The following CSMD1 variants were observed in gnomAD, a reference collection of about 807,000 sequenced individuals.
CSMD1 encodes CUB and Sushi multiple domains 1, also known as CUB and sushi domain-containing protein 1.
CSMD1 carries 213 observed loss-of-function variants against 417.5 expected under a neutral mutation model. That is an observed-to-expected ratio of 0.51 (90% CI 0.46 to 0.57). The LOEUF (loss-of-function observed/expected upper bound fraction) is 0.57, where lower values mean the gene tolerates loss of function less well. CSMD1 is among the 20% of genes least tolerant of loss of function. The probability of loss-of-function intolerance (pLI) is 0.00; values close to 1 mark genes in which losing one functional copy is unlikely to be tolerated. For synonymous variants in CSMD1, 2,862 were observed against 1,736.8 expected, an observed-to-expected ratio of 1.65 and a Z score of -16.11; for missense variants, 6,923 against 4,529.7, an observed-to-expected ratio of 1.53 and a Z score of -15.17.
At chr8:3,233,436 T>G (rs906379170) in intron 26 of CSMD1, among the ~76,000 whole-genome samples, 7 of 152,228 alleles carry the variant, frequency 4.6e-5, no homozygotes, top group South Asian at 2.1e-4. Context: ...CCAGCATATT[T>G]GTGAGAAGTA....
At chr8:3,621,750 T>TTTA (rs1222963413) in intron 7 of CSMD1, among the ~76,000 whole-genome samples, 3 of 151,076 alleles carry the variant, frequency 2.0e-5, no homozygotes, top group South Asian at 2.1e-4. Context: ...CAGCTAATGT[T>TTTA]TTATTATTAT....
intron 1 of CSMD1, among the ~76,000 whole-genome samples, chr8:4,648,401 G>T (rs1286582877): frequency 6.6e-6 from 1 of 152,030 alleles, no homozygotes; most frequent in African/African-American, 2.4e-5. Context: ...GCCCCTAATG[G>T]TGCCTCAGCC....
intron 1 of CSMD1, among the ~76,000 whole-genome samples, chr8:4,729,672 G>A (rs897139026): frequency 1.3e-5 from 2 of 152,186 alleles, no homozygotes; most frequent in African/African-American, 4.8e-5. Flanking sequence ...GGCAACAGAA[G>A]ACTAGCTGTT....
chr8:4,669,158 T>A (rs7002727), intron 1 of CSMD1, among the ~76,000 whole-genome samples: 4,431 of 152,268 alleles, frequency 0.029, 215 homozygotes, highest in African/African-American at 0.1. Context: ...CTTCGCTTCC[T>A]TTAGGGCTGG....
chr8:3,643,649 C>CGA (rs1421167518), intron 7 of CSMD1, among the ~76,000 whole-genome samples: 1 of 143,530 alleles, frequency 7.0e-6, no homozygotes, highest in Non-Finnish European at 1.5e-5. Context: ...TGCAGTGAGC[C>CGA]GAGATCGCGC....
intron 42 of CSMD1, among the ~76,000 whole-genome samples, chr8:3,117,061 T>C (rs1277759857): frequency 3.3e-5 from 5 of 152,126 alleles, no homozygotes; most frequent in Admixed American, 2.0e-4. Context: ...TTTGTAGTTA[T>C]TTTTTATTTT....
chr8:4,943,225 G>C (rs1439156958), intron 1 of CSMD1, among the ~76,000 whole-genome samples: 2 of 152,170 alleles, frequency 1.3e-5, no homozygotes, highest in African/African-American at 4.8e-5. Context: ...GCCGGGTGCA[G>C]TGGCTCATGC....
intron 3 of CSMD1, among the ~76,000 whole-genome samples, chr8:4,072,301 T>TC: frequency 6.6e-6 from 1 of 152,326 alleles, no homozygotes; most frequent in South Asian, 2.1e-4. Flanking sequence ...AAAAATACCT[T>TC]CCTTTGCCTT....
At chr8:4,091,746 G>C (rs113861981) in intron 3 of CSMD1, among the ~76,000 whole-genome samples, 2 of 152,174 alleles carry the variant, frequency 1.3e-5, no homozygotes, top group Non-Finnish European at 2.9e-5. Flanking sequence ...GTGTATAAAT[G>C]TATCCTGTAT....
intron 3 of CSMD1, among the ~76,000 whole-genome samples, chr8:4,116,346 G>A (rs138822030): frequency 4.3e-4 from 65 of 152,188 alleles, no homozygotes; most frequent in African/African-American, 1.4e-3. Context: ...CTATAAGGGT[G>A]GATACATGTC....
At position 3,641,320 on chromosome 8, in the gene CSMD1, A is replaced by G. The variant is rs548300946; in HGVS notation, c.1010-24523T>C. On this transcript the variant is annotated intron_variant, in intron 7 of 69. Transcript: ENST00000635120. ...TGTGCAGGTGGAGAACGGGTGAGTC[A>G]CTAGCAATGGAACCAACAATCCCCA... Among the ~76,000 whole-genome samples the G allele has an allele frequency of 3.9e-5, 6 of 152,228 alleles. No individual in the cohort carries two copies. The East Asian group carries it at 1.2e-3, about 29-fold the overall frequency.
intron 26 of CSMD1, among the ~76,000 whole-genome samples, chr8:3,259,911 A>G (rs1800930594): frequency 6.6e-6 from 1 of 152,068 alleles, no homozygotes; most frequent in Non-Finnish European, 1.5e-5. Flanking sequence ...ATCTCTGACC[A>G]CTCATACATG....
chr8:3,612,811 C>G (rs1801957085), intron 8 of CSMD1, among the ~76,000 whole-genome samples: 1 of 151,960 alleles, frequency 6.6e-6, no homozygotes, highest in African/African-American at 2.4e-5. Flanking sequence ...AGTAAATACC[C>G]ACATTTAGAA....
chr8:4,315,764 A>G (rs183821654), intron 3 of CSMD1, among the ~76,000 whole-genome samples: 1 of 152,110 alleles, frequency 6.6e-6, no homozygotes, highest in African/African-American at 2.4e-5. Context: ...CTAGCTGGTC[A>G]TTTCATTTCA....
intron 3 of CSMD1, among the ~76,000 whole-genome samples, chr8:4,390,654 C>A (rs1444886007): frequency 6.6e-6 from 1 of 152,024 alleles, no homozygotes; most frequent in Non-Finnish European, 1.5e-5. Flanking sequence ...GCTGGGACGA[C>A]AGGCACCCCC....
At chr8:4,933,783 C>T (rs1451793678) in intron 1 of CSMD1, among the ~76,000 whole-genome samples, 1 of 152,142 alleles carries the variant, frequency 6.6e-6, no homozygotes, top group African/African-American at 2.4e-5. Flanking sequence ...TTCTTCCTCT[C>T]TTCCTTCTAA....
intron 7 of CSMD1, among the ~76,000 whole-genome samples, chr8:3,687,896 G>C (rs1037543233): frequency 3.3e-5 from 5 of 152,252 alleles, no homozygotes; most frequent in African/African-American, 9.6e-5. Flanking sequence ...CCTGGGGACA[G>C]AGCAGCTGTG....
At chr8:3,270,818 G>A (rs961558717) in intron 26 of CSMD1, among the ~76,000 whole-genome samples, 6 of 152,114 alleles carry the variant, frequency 3.9e-5, no homozygotes, top group Admixed American at 3.3e-4. Flanking sequence ...AATTTATAAA[G>A]AAAAGAGTTT....
chr8:4,857,048 G>T (rs1225072619), intron 1 of CSMD1, among the ~76,000 whole-genome samples: 2 of 148,524 alleles, frequency 1.3e-5, no homozygotes, highest in East Asian at 2.0e-4. Context: ...TAAAAGAACA[G>T]AAATTATAAC....
Sources: gnomAD v4.1 joint callset for allele counts (sites outside exome capture counted in the v4.1 genomes callset) on GRCh38, gnomAD v4.1.1 for gene constraint, MANE v1.5 for transcripts, NCBI Gene and HGNC (gene_info 2026-07-23, HGNC 2026-07-21) for gene names.